The following SH3GL3 variants were observed in gnomAD, a reference collection of about 807,000 sequenced individuals.
The protein encoded by SH3GL3 is SH3 domain containing GRB2 like 3, endophilin A3.
SH3GL3 carries 33 observed loss-of-function variants against 47.7 expected under a neutral mutation model. The ratio of observed to expected loss-of-function variants is 0.69; its 90% CI spans 0.52 to 0.92. The LOEUF is 0.92. Ranked by LOEUF, SH3GL3 falls within the 40% of genes least tolerant of loss-of-function variation. The pLI is 0.00. For synonymous variants in SH3GL3, 155 were observed against 148.8 expected (o/e 1.04, Z -0.30); for missense variants, 363 against 417.8 (o/e 0.87, Z 1.14).
At chr15:83,577,162 G>A (rs1189416402) in intron 6 of SH3GL3, among the ~76,000 whole-genome samples, 1 of 151,902 alleles carries the variant, frequency 6.6e-6, no homozygotes, top group Admixed American at 6.6e-5. Flanking sequence ...GCCTGCCTGG[G>A]CCTCTCAAAG....
intron 8 of SH3GL3, among the ~76,000 whole-genome samples, chr15:83,614,340 A>C (rs2060755063): frequency 6.6e-6 from 1 of 152,206 alleles, no homozygotes; most frequent in Admixed American, 6.5e-5. Flanking sequence ...GGGGTCTGTC[A>C]CGGAAGGAGC....
At chr15:83,501,822 C>G (rs1445907554) in intron 1 of SH3GL3, among the ~76,000 whole-genome samples, 2 of 151,976 alleles carry the variant, frequency 1.3e-5, no homozygotes, top group Non-Finnish European at 2.9e-5. Flanking sequence ...ACCCGGGAAG[C>G]TGAGGTTGCA....
intron 8 of SH3GL3, among the ~76,000 whole-genome samples, chr15:83,613,345 A>T (rs1235978898): frequency 6.6e-6 from 1 of 152,168 alleles, no homozygotes; most frequent in Non-Finnish European, 1.5e-5. Context: ...ATGGAGTGTG[A>T]TATGAGTGCT....
chr15:83,627,179 C>T, the SH3GL3 span, among the ~76,000 whole-genome samples: 1 of 152,016 alleles, frequency 6.6e-6, no homozygotes, highest in Non-Finnish European at 1.5e-5. Context: ...GGGCGGATCA[C>T]GAGGTCAGCA....
chr15:83,631,302 C>A, the SH3GL3 span, among the ~76,000 whole-genome samples: 8 of 152,210 alleles, frequency 5.3e-5, no homozygotes, highest in Non-Finnish European at 1.0e-4. Flanking sequence ...GTGCATGGTG[C>A]AAGCTGTCAG....
At chr15:83,537,940 G>A (rs191229344) in intron 1 of SH3GL3, among the ~76,000 whole-genome samples, 19 of 152,254 alleles carry the variant, frequency 1.2e-4, no homozygotes, top group Middle Eastern at 3.4e-3. Flanking sequence ...ACACAGAGAA[G>A]ATGTGTGTAT....
intron 6 of SH3GL3, among the ~76,000 whole-genome samples, chr15:83,580,245 G>A (rs377567677): frequency 6.6e-6 from 1 of 152,194 alleles, no homozygotes; most frequent in African/African-American, 2.4e-5. Context: ...CTTCGGGATG[G>A]CTGGGGAGGG....
intron 1 of SH3GL3, among the ~76,000 whole-genome samples, chr15:83,475,350 G>A (rs1596054061): frequency 1.3e-5 from 2 of 151,730 alleles, no homozygotes; most frequent in Admixed American, 6.6e-5. Context: ...GGGGTGTTGC[G>A]TGCCTGTAAT....
intron 1 of SH3GL3, among the ~76,000 whole-genome samples, chr15:83,546,011 A>G (rs1215005638): frequency 6.6e-6 from 1 of 152,116 alleles, no homozygotes; most frequent in Non-Finnish European, 1.5e-5. Context: ...CTTGCCCAAG[A>G]TGTATTACAA....
intron 1 of SH3GL3, among the ~76,000 whole-genome samples, chr15:83,516,007 A>C (rs1468087647): frequency 6.6e-6 from 1 of 152,124 alleles, no homozygotes; most frequent in Non-Finnish European, 1.5e-5. Context: ...AGTTGGTTTC[A>C]TTCCTGGAAA....
In SH3GL3 at chr15:83,618,176, C is replaced by G; in HGVS notation, c.933C>G (p.Ile311Met). Residue 311 changes from isoleucine (I) to methionine (M), a missense_variant, in exon 9 of 9, where the codon ATC (isoleucine) becomes ATG (methionine). Transcript: ENST00000427482. ...QGELGFKEGD[I>M]ITLTNQIDEN... Reference sequence around the variant, plus strand: ...AATTAGGATTTAAAGAAGGGGACATCATTACATTAACCAATCAAATAGATG... The same window carrying G: ...AATTAGGATTTAAAGAAGGGGACATGATTACATTAACCAATCAAATAGATG... 1.9e-6 allele frequency: 3 copies of G among 1,609,706 alleles called. No individual in the cohort carries two copies. Among genetic ancestry groups the G allele is most frequent in the Non-Finnish European group, 2.6e-6 (3 of 1,175,888 alleles).
intron 8 of SH3GL3, among the ~76,000 whole-genome samples, chr15:83,603,805 A>G (rs1441488560): frequency 6.6e-6 from 1 of 152,210 alleles, no homozygotes; most frequent in Non-Finnish European, 1.5e-5. Flanking sequence ...ATTATAGGCA[A>G]AAAGTTTTTC....
rs143614292 is a variant in SH3GL3 at position 83,512,119 on chromosome 15, C to A, written c.46-47134C>A. ...GTCCTCTCAAGGGGGATAAATGCCA[C>A]CTGCTATTTAAGGAGACTTGACCCC... On this transcript the variant is annotated intron_variant, in intron 1 of 8. Coordinates refer to ENST00000427482, the MANE Select transcript of SH3GL3 (RefSeq NM_003027.5). Among the ~76,000 whole-genome samples the A allele has an allele frequency of 8.7e-3, 1,326 of 152,110 alleles. 22 individuals are homozygous for A. The highest frequency in any genetic ancestry group is 0.029 in the African/African-American group (1,223 of 41,490).
chr15:83,483,149 G>A (rs375388755), intron 1 of SH3GL3, among the ~76,000 whole-genome samples: 4 of 152,186 alleles, frequency 2.6e-5, no homozygotes, highest in African/African-American at 9.7e-5. Flanking sequence ...AAAGAAAGTG[G>A]CTCTAGTGTG....
At chr15:83,632,920 T>C in the SH3GL3 span, among the ~76,000 whole-genome samples, 6 of 152,174 alleles carry the variant, frequency 3.9e-5, no homozygotes, top group Non-Finnish European at 8.8e-5. Flanking sequence ...AAAGAAGATA[T>C]AAATGTTCAC....
At chr15:83,605,445 A>G (rs899521480) in intron 8 of SH3GL3, among the ~76,000 whole-genome samples, 1 of 152,318 alleles carries the variant, frequency 6.6e-6, no homozygotes, top group African/African-American at 2.4e-5. Flanking sequence ...ATGTTTATAA[A>G]GTGAAGGAAA....
intron 1 of SH3GL3, among the ~76,000 whole-genome samples, chr15:83,539,794 A>G (rs1017555440): frequency 1.3e-5 from 2 of 152,116 alleles, no homozygotes; most frequent in African/African-American, 2.4e-5. Flanking sequence ...TCCTAGGGTT[A>G]TGTTATCTTG....
chr15:83,552,604 C>T (rs898022268), intron 1 of SH3GL3, among the ~76,000 whole-genome samples: 1 of 152,082 alleles, frequency 6.6e-6, no homozygotes, highest in Non-Finnish European at 1.5e-5. Flanking sequence ...TTTGCAGCAA[C>T]ATAATATATG....
At chr15:83,607,119 A>G (rs1398184845) in intron 8 of SH3GL3, among the ~76,000 whole-genome samples, 3 of 152,220 alleles carry the variant, frequency 2.0e-5, no homozygotes, top group Non-Finnish European at 4.4e-5. Context: ...GCCGTAAGAC[A>G]TAAATTCTAA....
Sources: gnomAD v4.1 joint callset for allele counts (sites outside exome capture counted in the v4.1 genomes callset) on GRCh38, gnomAD v4.1.1 for gene constraint, MANE v1.5 for transcripts, NCBI Gene and HGNC (gene_info 2026-07-23, HGNC 2026-07-21) for gene names.